Variants in TET3 observed in about 807,000 individuals in gnomAD.
TET3 encodes methylcytosine dioxygenase TET3.
TET3 carries 19 observed loss-of-function variants against 141.4 expected under a neutral mutation model. That is an observed-to-expected ratio of 0.13 (90% CI 0.09 to 0.20). TET3 has a LOEUF of 0.20. Ranked by LOEUF, TET3 falls within the 10% of genes least tolerant of loss-of-function variation. TET3 has a pLI of 1.00. For synonymous variants in TET3, 1,043 were observed against 980.9 expected, an observed-to-expected ratio of 1.06 and a Z score of -1.18; for missense variants, 1,874 against 2,356.9, an observed-to-expected ratio of 0.80 and a Z score of 4.24.
the TET3 span, chr2:74,135,325 C>T: frequency 2.1e-6 from 1 of 479,724 alleles, no homozygotes; most frequent in Non-Finnish European, 3.5e-6. Flanking sequence ...ACTGCATTCT[C>T]TCTCTGTAGC....
chr2:74,055,735 T>C (rs1338170645), intron 4 of TET3, among the ~76,000 whole-genome samples: 1 of 152,208 alleles, frequency 6.6e-6, no homozygotes, highest in Non-Finnish European at 1.5e-5. Flanking sequence ...TGATGCAGGC[T>C]TTATCCTCAT....
At chr2:74,026,595 T>C (rs754347783) in intron 3 of TET3, among the ~76,000 whole-genome samples, 1 of 152,248 alleles carries the variant, frequency 6.6e-6, no homozygotes, top group African/African-American at 2.4e-5. Flanking sequence ...ATAATAGATA[T>C]TAAAAACATG....
chr2:74,018,004 G>A (rs904610299), intron 3 of TET3, among the ~76,000 whole-genome samples: 3 of 92,280 alleles, frequency 3.3e-5, no homozygotes, highest in African/African-American at 1.3e-4. Context: ...TTTTGCTCTT[G>A]TCGCCCAGGC....
chr2:74,069,442 T>C (rs1423006206), intron 4 of TET3, among the ~76,000 whole-genome samples: 2 of 151,084 alleles, frequency 1.3e-5, no homozygotes, highest in South Asian at 2.1e-4. Context: ...ATTTAAAAAA[T>C]TGTGATTTAT....
At chr2:74,110,010 A>G (rs962136666), downstream of TET3, among the ~76,000 whole-genome samples, 8 of 152,224 alleles carry the variant, frequency 5.3e-5, no homozygotes, top group South Asian at 2.1e-4. Context: ...ATGATACCAC[A>G]TAAGATATAA....
chr2:74,060,137 C>G (rs1266916462), intron 4 of TET3, among the ~76,000 whole-genome samples: 1 of 152,198 alleles, frequency 6.6e-6, no homozygotes, highest in Non-Finnish European at 1.5e-5. Context: ...CAGCATTGCT[C>G]CACGTTCTCA....
chr2:74,081,454 G>A (rs1415578595), intron 6 of TET3, among the ~76,000 whole-genome samples: 1 of 152,236 alleles, frequency 6.6e-6, no homozygotes, highest in Admixed American at 6.5e-5. Flanking sequence ...GGGTCGTTGA[G>A]AGGCAGACTT....
chr2:74,029,168 A>G (rs762998002), intron 3 of TET3, among the ~76,000 whole-genome samples: 1 of 152,224 alleles, frequency 6.6e-6, no homozygotes, highest in Non-Finnish European at 1.5e-5. Context: ...AGTCACCCAA[A>G]TAAGATGAAG....
intron 3 of TET3, among the ~76,000 whole-genome samples, chr2:74,032,483 G>GCGCGCGCGCGCGATGGCCCCAGCGGC (rs36143111): frequency 1.7e-4 from 26 of 150,458 alleles, no homozygotes; most frequent in Middle Eastern, 3.2e-3. Context: ...GTGTGTGTGT[G>GCGCGCGCGCGCGATGGCCCCAGCGGC]TGTGTGTGTG....
chr2:74,056,082 A>G (rs1688200464), intron 4 of TET3, among the ~76,000 whole-genome samples: 1 of 152,230 alleles, frequency 6.6e-6, no homozygotes, highest in East Asian at 1.9e-4. Flanking sequence ...GATAGGTACA[A>G]ATGGAGCCTT....
At chr2:74,003,275 C>A in intron 3 of TET3, 109 bp downstream of exon 3, 2 of 1,426,654 alleles carry the variant, frequency 1.4e-6, no homozygotes, top group South Asian at 1.3e-5. Context: ...CTTAATCTCC[C>A]ACTGTGTGTG....
At chr2:74,003,028 C>G in intron 2 of TET3, 82 bp from the exon 3 acceptor site, 1 of 1,481,276 alleles carries the variant, frequency 6.8e-7, no homozygotes, top group Admixed American at 2.0e-5. Flanking sequence ...CCCCTCCGGC[C>G]GGGCTGGGGG....
chr2:74,058,026 TCG>T (rs1491156262), intron 4 of TET3, among the ~76,000 whole-genome samples: 3 of 152,148 alleles, frequency 2.0e-5, no homozygotes, highest in African/African-American at 7.2e-5. Context: ...AAGAAAACAG[TCG>T]CTATCAAATA....
intron 3 of TET3, among the ~76,000 whole-genome samples, chr2:74,023,786 G>T (rs1316128905): frequency 6.6e-6 from 1 of 151,978 alleles, no homozygotes; most frequent in African/African-American, 2.4e-5. Flanking sequence ...CACAGATGGT[G>T]GTTATATTCC....
At chr2:74,135,386 T>C in the TET3 span, 2 of 827,050 alleles carry the variant, frequency 2.4e-6, no homozygotes, top group South Asian at 1.6e-5. Flanking sequence ...TAAAGGAACC[T>C]GAAACATTAC....
At chr2:74,100,049 T>A (rs1427817554) in intron 11 of TET3, among the ~76,000 whole-genome samples, 1 of 152,156 alleles carries the variant, frequency 6.6e-6, no homozygotes, top group Admixed American at 6.5e-5. Context: ...TGATCCCGAC[T>A]GGGCTGGGCA....
intron 3 of TET3, among the ~76,000 whole-genome samples, chr2:74,045,503 T>C (rs949050627): frequency 6.6e-6 from 1 of 152,186 alleles, no homozygotes; most frequent in African/African-American, 2.4e-5. Context: ...TCCTTCCCCT[T>C]TGGTGTGCTT....
Position 74,105,083 on chromosome 2 carries a change from A to G in TET3, c.*2907A>G. Reference sequence around the variant, plus strand: ...GAAGCTTTCTTAAAGAGAAAAATCAAATTTTTATTTTTTACTGGCACTATC... The same window carrying G: ...GAAGCTTTCTTAAAGAGAAAAATCAGATTTTTATTTTTTACTGGCACTATC... On this transcript the variant is annotated 3_prime_UTR_variant, in exon 12 of 12. Coordinates refer to ENST00000409262, the MANE Select transcript of TET3 (RefSeq NM_001287491.2). The G allele has an allele frequency of 2.5e-6, 1 of 398,316 alleles. No homozygotes were observed. Among genetic ancestry groups the G allele is most frequent in the Non-Finnish European group, 4.4e-6 (1 of 226,068 alleles). 24.7% of individuals were successfully genotyped at this position (398,316 alleles called of 1,614,324 possible). A position where few individuals can be genotyped will look rare whatever the true frequency, so the allele number is the denominator to read the frequency against.
the TET3 span, among the ~76,000 whole-genome samples, chr2:74,117,951 G>A: frequency 6.6e-6 from 1 of 151,830 alleles, no homozygotes; most frequent in East Asian, 1.9e-4. Context: ...TCACCATGTT[G>A]GCCAGGCTGG....
Sources: allele counts gnomAD v4.1 joint callset (sites outside exome capture counted in the v4.1 genomes callset), GRCh38; gene constraint gnomAD v4.1.1; transcripts MANE v1.5; gene names NCBI Gene and HGNC (gene_info 2026-07-23, HGNC 2026-07-21).